The following PRKCH variants were observed in gnomAD, a reference collection of about 807,000 sequenced individuals.
PRKCH encodes protein kinase C eta type.
Under a neutral mutation model 82.5 loss-of-function variants are expected in PRKCH, and 28 were observed. The ratio of observed to expected loss-of-function variants is 0.34; its 90% CI spans 0.25 to 0.47. PRKCH has a LOEUF of 0.47. Ranked by LOEUF, PRKCH falls within the 20% of genes least tolerant of loss-of-function variation. PRKCH has a pLI of 1.00. For missense variants in PRKCH, 705 were observed against 881.8 expected (o/e 0.80, Z 2.54); for synonymous variants, 322 against 327.4 (o/e 0.98, Z 0.18).
intron 2 of PRKCH, among the ~76,000 whole-genome samples, chr14:61,406,047 G>C (rs1469159099): frequency 6.6e-6 from 1 of 152,166 alleles, no homozygotes; most frequent in Non-Finnish European, 1.5e-5. Context: ...AATCTCTGGG[G>C]AAGAGGCCAA....
chr14:61,484,078 G>A (rs995705310), intron 9 of PRKCH, among the ~76,000 whole-genome samples: 2 of 152,048 alleles, frequency 1.3e-5, no homozygotes, highest in African/African-American at 4.8e-5. Flanking sequence ...ATCTGCATCC[G>A]TTGGTAAAAT....
At chr14:61,221,829 G>A (rs2044658179) in intron 1 of PRKCH, among the ~76,000 whole-genome samples, 1 of 152,146 alleles carries the variant, frequency 6.6e-6, no homozygotes, top group African/African-American at 2.4e-5. Flanking sequence ...AGCTTTGTCA[G>A]ATCATTTTCT....
Position 61,530,261 on chromosome 14 carries a change from A to T in PRKCH, c.1573-146A>T, listed in dbSNP as rs2043028670. 4.5e-6 allele frequency: 4 copies of T among 890,766 alleles called. No individual in the cohort carries two copies. In the African/African-American group the frequency reaches 5.0e-5, roughly 11 times the overall value. 55.2% of individuals were successfully genotyped at this position (890,766 alleles called of 1,614,324 possible). On this transcript the variant is annotated intron_variant, in intron 11 of 13. Coordinates refer to ENST00000332981, the MANE Select transcript of PRKCH (RefSeq NM_006255.5). ...ACAGGGAAAACAGACCACTCTGTAG[A>T]AATGGAATGAAATACGCTTGCTAGC...
intron 10 of PRKCH, among the ~76,000 whole-genome samples, chr14:61,490,282 G>T (rs17098533): frequency 0.16 from 23,979 of 152,138 alleles, 2,094 homozygotes; most frequent in African/African-American, 0.23. Flanking sequence ...CGTGGCACAT[G>T]AACTTTTCAA....
At position 61,505,395 on chromosome 14, in the gene PRKCH, C is replaced by CTTTTTTTTTTTTTTTTTTTTT. The variant is rs60304150; in HGVS notation, c.1433+19748_1433+19768dup. 2.7e-4 allele frequency among the ~76,000 whole-genome samples: 15 copies of CTTTTTTTTTTTTTTTTTTTTT among 55,764 alleles called. 1 individual carries two copies. Among genetic ancestry groups the CTTTTTTTTTTTTTTTTTTTTT allele is most frequent in the African/African-American group, 4.5e-4 (7 of 15,394 alleles). The allele number at this position is 55,764 out of a possible 152,430, so 36.6% of individuals were successfully genotyped here. A position where few individuals can be genotyped will look rare whatever the true frequency, so the allele number is the denominator to read the frequency against. On this transcript the variant is annotated intron_variant, in intron 10 of 13. Transcript: ENST00000332981. ...TTTGTCTTTTCTTTTCTTTTCTTTT[C>CTTTTTTTTTTTTTTTTTTTTT]TTTTTTTTTTTTTTTTTTTTTTTTT...
At chr14:61,237,961 T>G (rs2140064077) in intron 1 of PRKCH, among the ~76,000 whole-genome samples, 1 of 152,338 alleles carries the variant, frequency 6.6e-6, no homozygotes, top group Non-Finnish European at 1.5e-5. Flanking sequence ...GGTTACAGCT[T>G]GGCACTTGCC....
At chr14:61,474,394 C>T (rs2140315638) in intron 9 of PRKCH, among the ~76,000 whole-genome samples, 1 of 152,282 alleles carries the variant, frequency 6.6e-6, no homozygotes, top group East Asian at 1.9e-4. Flanking sequence ...AGCCTCCATA[C>T]CTTTAGAGTA....
chr14:61,284,990 T>C (rs1451568407), intron 1 of PRKCH, among the ~76,000 whole-genome samples: 1 of 152,226 alleles, frequency 6.6e-6, no homozygotes, highest in Admixed American at 6.5e-5. Flanking sequence ...AATTCATAGG[T>C]CTATCATATT....
intron 1 of PRKCH, among the ~76,000 whole-genome samples, chr14:61,232,506 C>T (rs189223108): frequency 3.3e-5 from 5 of 152,338 alleles, no homozygotes; most frequent in African/African-American, 1.2e-4. Flanking sequence ...CAGGCGTGAG[C>T]CACCGTGCCC....
chr14:61,317,701 A>C (rs1277360220), upstream of PRKCH, among the ~76,000 whole-genome samples: 1 of 151,980 alleles, frequency 6.6e-6, no homozygotes, highest in Non-Finnish European at 1.5e-5. Flanking sequence ...CTTCCTGGCT[A>C]CTGCTTTTCT....
intron 1 of PRKCH, among the ~76,000 whole-genome samples, chr14:61,195,688 G>C (rs11850204): frequency 0.055 from 8,436 of 152,228 alleles, 803 homozygotes; most frequent in African/African-American, 0.19. Flanking sequence ...AGGAGTTGTT[G>C]AAGACCCACG....
At chr14:61,354,811 T>A (rs1213702833) in intron 1 of PRKCH, among the ~76,000 whole-genome samples, 1 of 152,242 alleles carries the variant, frequency 6.6e-6, no homozygotes, top group Non-Finnish European at 1.5e-5. Context: ...TCAGAATAAC[T>A]AAGATTACTT....
chr14:61,240,918 T>G (rs78189413), intron 1 of PRKCH, among the ~76,000 whole-genome samples: 1 of 150,388 alleles, frequency 6.6e-6, no homozygotes, highest in Non-Finnish European at 1.5e-5. Context: ...GTGTGAGGTT[T>G]TTTCCCCACA....
chr14:61,380,570 C>A (rs1370513017), intron 1 of PRKCH, among the ~76,000 whole-genome samples: 1 of 152,214 alleles, frequency 6.6e-6, no homozygotes, highest in African/African-American at 2.4e-5. Flanking sequence ...TCTTCAGAGC[C>A]TCTGTCCTCA....
chr14:61,435,913 G>C (rs987417952), intron 2 of PRKCH, among the ~76,000 whole-genome samples: 5 of 152,176 alleles, frequency 3.3e-5, no homozygotes, highest in Non-Finnish European at 5.9e-5. Context: ...CGATTATAGA[G>C]AGAAGAACCA....
intron 1 of PRKCH, among the ~76,000 whole-genome samples, chr14:61,289,969 G>C (rs1594893746): frequency 6.6e-6 from 1 of 152,108 alleles, no homozygotes; most frequent in Non-Finnish European, 1.5e-5. Flanking sequence ...CATTAGCTCA[G>C]AAGAACTTTA....
intron 1 of PRKCH, among the ~76,000 whole-genome samples, chr14:61,375,953 G>T (rs1288376671): frequency 2.7e-5 from 4 of 150,446 alleles, no homozygotes; most frequent in African/African-American, 9.9e-5. Context: ...GGAGGTAGAG[G>T]TTGCAGTGAG....
chr14:61,312,697 T>G (rs1266680624), intron 1 of PRKCH, among the ~76,000 whole-genome samples: 1 of 152,142 alleles, frequency 6.6e-6, no homozygotes, highest in Non-Finnish European at 1.5e-5. Context: ...GGAACTGCCC[T>G]TTATAAAACC....
intron 1 of PRKCH, among the ~76,000 whole-genome samples, chr14:61,366,351 C>T (rs192274143): frequency 3.3e-5 from 5 of 152,202 alleles, no homozygotes; most frequent in Non-Finnish European, 2.9e-5. Context: ...AGCAATTAGA[C>T]ACATTATTAC....
Sources: allele counts gnomAD v4.1 joint callset (sites outside exome capture counted in the v4.1 genomes callset), GRCh38; gene constraint gnomAD v4.1.1; transcripts MANE v1.5; gene names NCBI Gene and HGNC (gene_info 2026-07-23, HGNC 2026-07-21).